The following HSD11B1 variants were observed in gnomAD, a reference collection of about 807,000 sequenced individuals.
HSD11B1 encodes the protein 11-beta-hydroxysteroid dehydrogenase 1.
HSD11B1 carries 15 observed loss-of-function variants against 22.1 expected under a neutral mutation model. That is an observed-to-expected ratio of 0.68 (90% confidence interval 0.45 to 1.04). HSD11B1 has a LOEUF of 1.04. Ranked by LOEUF, HSD11B1 falls within the 50% of genes least tolerant of loss-of-function variation. HSD11B1 has a pLI of 0.00. For synonymous variants in HSD11B1, 122 were observed against 125.2 expected, an observed-to-expected ratio of 0.97 and a Z score of 0.17; for missense variants, 281 against 357.6, an observed-to-expected ratio of 0.79 and a Z score of 1.73.
At position 209,698,666 on chromosome 1, in the gene HSD11B1, C is replaced by G. The variant is rs999659980; in HGVS notation, c.-48-6229C>G. On this transcript the variant is annotated intron_variant, in intron 1 of 6. Transcript: ENST00000261465. ...ATGCTCAGATGTGAATCCACAGGAG[C>G]TAGGCAAGAGAGAAAACCTGAAAAA... Among the ~76,000 whole-genome samples the G allele has an allele frequency of 2.0e-5, 3 of 152,194 alleles. No individual in the cohort carries two copies. The South Asian group carries it at 6.2e-4, about 31-fold the overall frequency.
chr1:209,694,023 G>A (rs546991370), intron 1 of HSD11B1, among the ~76,000 whole-genome samples: 23 of 152,060 alleles, frequency 1.5e-4, no homozygotes, highest in African/African-American at 5.1e-4. Context: ...CCAGCTCACC[G>A]TTGTTCTCCT....
upstream of HSD11B1, among the ~76,000 whole-genome samples, chr1:209,701,431 G>A (rs530399798): frequency 6.6e-6 from 1 of 152,092 alleles, no homozygotes; most frequent in African/African-American, 2.4e-5. Context: ...CCTCCCCCTG[G>A]GTCCCTCTCA....
chr1:209,705,467 T>C (rs574692350), intron 1 of HSD11B1, among the ~76,000 whole-genome samples: 3 of 152,086 alleles, frequency 2.0e-5, no homozygotes, highest in Non-Finnish European at 4.4e-5. Context: ...TGATTCCTTG[T>C]TAAATGTACT....
Position 209,706,611 on chromosome 1 carries a change from C to CT in HSD11B1, c.220-97dup. On this transcript the variant is annotated intron_variant, in intron 2 of 5. Transcript: ENST00000367027. The surrounding 1 kb of genome is among the most constrained non-coding windows in gnomAD (Gnocchi z 4.0). ...CTTACCATTTCTTACCTAAACAGGG[C>CT]TGTGAGCAATCTCTCATTTAAGCCC... The CT allele has an allele frequency of 1.2e-6, 1 of 812,994 alleles. No homozygotes were observed. The highest frequency in any genetic ancestry group is 2.4e-5 in the East Asian group (1 of 41,284). The allele number at this position is 812,994 out of a possible 1,614,324, so 50.4% of individuals were successfully genotyped here. A position where few individuals can be genotyped will look rare whatever the true frequency, so the allele number is the denominator to read the frequency against.
chr1:209,706,671 C>T lies in HSD11B1; in HGVS notation c.220-38C>T. Reference sequence around the variant, plus strand: ...TCAGAGACTACCCCCCAAAAATCTGCAGCTAAGACTGATGCCATTTCTGCT... The same window carrying T: ...TCAGAGACTACCCCCCAAAAATCTGTAGCTAAGACTGATGCCATTTCTGCT... On this transcript the variant is annotated intron_variant, in intron 2 of 5. Coordinates refer to ENST00000367027, the MANE Select transcript of HSD11B1 (RefSeq NM_005525.4). The surrounding 1 kb of genome is among the most constrained non-coding windows in gnomAD (Gnocchi z 4.0). The T allele has an allele frequency of 6.9e-7, 1 of 1,439,530 alleles. No homozygotes were observed. Among genetic ancestry groups the T allele is most frequent in the Non-Finnish European group, 9.8e-7 (1 of 1,022,256 alleles). 89.2% of individuals were successfully genotyped at this position (1,439,530 alleles called of 1,614,324 possible).
chr1:209,699,824 A>G (rs2076815985), intron 1 of HSD11B1, among the ~76,000 whole-genome samples: 1 of 152,244 alleles, frequency 6.6e-6, no homozygotes, highest in Non-Finnish European at 1.5e-5. Context: ...GGGTAAATAC[A>G]GCCATTCCAA....
At chr1:209,690,701 AAATT>A (rs779860824) in intron 1 of HSD11B1, among the ~76,000 whole-genome samples, 2 of 152,140 alleles carry the variant, frequency 1.3e-5, no homozygotes, top group Non-Finnish European at 2.9e-5. Flanking sequence ...CTGTCTCAAA[AAATT>A]AATTAATTAA....
upstream of HSD11B1, among the ~76,000 whole-genome samples, chr1:209,701,319 A>C (rs1033227977): frequency 6.6e-6 from 1 of 152,200 alleles, no homozygotes; most frequent in East Asian, 1.9e-4. Flanking sequence ...AAAATGAGGA[A>C]GAAGCAAAAG....
At position 209,706,813 on chromosome 1, in the gene HSD11B1, G is replaced by C; in HGVS notation, c.324G>C (p.Lys108Asn). Residue 108 changes from lysine to asparagine, a missense_variant, in exon 3 of 6, where the codon AAG becomes AAC. Physicochemically the swap from Lys to Asn is moderately conservative, Grantham distance 94. Coordinates refer to ENST00000367027, the MANE Select transcript of HSD11B1 (RefSeq NM_005525.4). The surrounding 1 kb of genome is among the most constrained non-coding windows in gnomAD (Gnocchi z 4.0). ...AGCAATTTGTTGCCCAAGCAGGAAA[G>C]CTCATGGGTGAGGCTGTTTCTCTTA... ...FAEQFVAQAG[K>N]LMGGLDMLIL... 1 of 1,613,866 alleles carries C rather than the reference G, an allele frequency of 6.2e-7. No homozygotes were observed. The highest frequency in any genetic ancestry group is 8.5e-7 in the Non-Finnish European group (1 of 1,179,750).
intron 4 of HSD11B1, among the ~76,000 whole-genome samples, chr1:209,728,684 C>A (rs1397766360): frequency 6.6e-6 from 1 of 152,224 alleles, no homozygotes; most frequent in African/African-American, 2.4e-5. Context: ...CTGCTCTCTT[C>A]CATGTGTGGC....
At chr1:209,720,977 C>G (rs567613018) in intron 4 of HSD11B1, among the ~76,000 whole-genome samples, 1 of 152,146 alleles carries the variant, frequency 6.6e-6, no homozygotes, top group Non-Finnish European at 1.5e-5. Context: ...TGCCAAATGT[C>G]CTTATAGAGT....
chr1:209,734,473 A>G lies in HSD11B1; in HGVS notation c.831A>G (p.Glu277=). The stretch of plus-strand genomic sequence containing the variant: ...GAAATCCATGCAGGAAGATCCTGGA[A>G]TTTCTCTACTCAACGAGCTATAATA... ...LIRNPCRKIL[E]FLYSTSYNMD... Residue 277 remains glutamate (E), a synonymous_variant, in exon 6 of 6, where the codon GAA becomes GAG. Transcript: ENST00000367027. The G allele has an allele frequency of 6.2e-7, 1 of 1,614,126 alleles. No homozygotes were observed. The highest frequency in any genetic ancestry group is 8.5e-7 in the Non-Finnish European group (1 of 1,179,980).
At chr1:209,729,394 A>ACACACACACAC (rs1558200092) in intron 4 of HSD11B1, among the ~76,000 whole-genome samples, 9 of 151,582 alleles carry the variant, frequency 5.9e-5, no homozygotes, top group Non-Finnish European at 1.3e-4. Flanking sequence ...ACACACACAC[A>ACACACACACAC]AGTAAGTTAA....
chr1:209,697,884 C>CTTTTTTATTTTTTTTTTT (rs2076800590), intron 1 of HSD11B1, among the ~76,000 whole-genome samples: 1 of 41,586 alleles, frequency 2.4e-5, no homozygotes, highest in Non-Finnish European at 4.5e-5. Flanking sequence ...TTGTTTTTTC[C>CTTTTTTATTTTTTTTTTT]TTTTTTTTTT....
At chr1:209,708,460 A>G (rs1163150078) in intron 4 of HSD11B1, among the ~76,000 whole-genome samples, 1 of 152,184 alleles carries the variant, frequency 6.6e-6, no homozygotes, top group East Asian at 1.9e-4. Flanking sequence ...CTACCCGCCA[A>G]ACAGTGTGAT....
intron 4 of HSD11B1, among the ~76,000 whole-genome samples, chr1:209,726,666 T>C (rs1226710143): frequency 1.3e-5 from 2 of 152,148 alleles, no homozygotes; most frequent in African/African-American, 4.8e-5. Flanking sequence ...TTCTGACATG[T>C]CTGGCTCCTT....
At position 209,704,972 on chromosome 1, in the gene HSD11B1, C is replaced by T. The variant is rs1276911498; in HGVS notation, c.30C>T (p.Pro10=). The change falls in exon 1 of 6, where the codon CCC becomes CCT. Residue 10 remains proline (P), a synonymous_variant. Coordinates refer to ENST00000367027, the MANE Select transcript of HSD11B1 (RefSeq NM_005525.4). The part of the protein sequence containing the change: MAFMKKYLL[P]ILGLFMAYYY... ...CTTTTATGAAAAAATATCTCCTCCC[C>T]ATTCTGGGGCTCTTCATGGCCTACT... is the stretch of plus-strand genomic sequence containing the variant. 2 of 1,613,776 alleles carry T rather than the reference C, an allele frequency of 1.2e-6. No homozygotes were observed. The highest frequency in any genetic ancestry group is 1.7e-6 in the Non-Finnish European group (2 of 1,179,848).
chr1:209,690,683 G>A (rs749888248), intron 1 of HSD11B1, among the ~76,000 whole-genome samples: 6 of 151,996 alleles, frequency 3.9e-5, no homozygotes, highest in Non-Finnish European at 5.9e-5. Context: ...AGCGACAAGA[G>A]TGGAATTCTG....
At chr1:209,712,618 G>A (rs1463474909) in intron 4 of HSD11B1, among the ~76,000 whole-genome samples, 2 of 152,172 alleles carry the variant, frequency 1.3e-5, no homozygotes, top group Non-Finnish European at 2.9e-5. Context: ...AATACTGAGA[G>A]ATGACTGTAC....
Sources: gnomAD v4.1 joint callset for allele counts (sites outside exome capture counted in the v4.1 genomes callset) on GRCh38, gnomAD v4.1.1 for gene constraint, Gnocchi (gnomAD v3.1) non-coding constraint, MANE v1.5 for transcripts, NCBI Gene and HGNC (gene_info 2026-07-23, HGNC 2026-07-21) for gene names.